TMEM62: variants seen among roughly 807,000 people sequenced by gnomAD.
The protein encoded by TMEM62 is transmembrane protein 62.
Under a neutral mutation model 70.4 loss-of-function variants are expected in TMEM62, and 41 were observed. The ratio of observed to expected loss-of-function variants is 0.58; its 90% CI spans 0.45 to 0.76. The LOEUF (loss-of-function observed/expected upper bound fraction) is 0.76. Among genes scored for constraint, TMEM62 ranks in the 30% least tolerant of loss-of-function variants. TMEM62 has a pLI of 0.00. For synonymous variants in TMEM62, 268 were observed against 291.0 expected (o/e 0.92, Z 0.80); for missense variants, 688 against 788.5 (o/e 0.87, Z 1.53).
rs143745029 is a variant in TMEM62, at chr15:43,134,607, G to A, written c.292+239G>A. ...GTTTTGTCAAAGCAGTAGAAGCAAG[G>A]CTCCTGGTTCTCATGTCAGTCTGTT... is the stretch of plus-strand genomic sequence containing the variant. On this transcript the variant is annotated intron_variant, in intron 2 of 13. Transcript: ENST00000260403. Among the ~76,000 whole-genome samples the A allele has an allele frequency of 4.3e-3, 658 of 152,306 alleles. 6 individuals are homozygous for A. Among genetic ancestry groups the A allele is most frequent in the African/African-American group, 0.015 (618 of 41,544 alleles).
chr15:43,150,358 A>C (rs185991952), intron 7 of TMEM62, among the ~76,000 whole-genome samples: 1 of 152,076 alleles, frequency 6.6e-6, no homozygotes, highest in Non-Finnish European at 1.5e-5. Context: ...TATTTCTTCT[A>C]AGTGCTCTAG....
chr15:43,147,568 C>A (rs970465595), intron 5 of TMEM62, among the ~76,000 whole-genome samples: 7 of 152,080 alleles, frequency 4.6e-5, no homozygotes, highest in Non-Finnish European at 8.8e-5. Context: ...TAATAAAGAG[C>A]AGAATTTGCT....
intron 11 of TMEM62, 81 bp downstream of exon 11, chr15:43,169,758 T>C: frequency 8.1e-7 from 1 of 1,236,202 alleles, no homozygotes. Flanking sequence ...AAGAGGTTTA[T>C]TCTAAGCCAA....
intron 13 of TMEM62, among the ~76,000 whole-genome samples, chr15:43,182,041 T>A (rs549269147): frequency 1.3e-5 from 2 of 152,230 alleles, no homozygotes; most frequent in Non-Finnish European, 2.9e-5. Flanking sequence ...GAAACTGCAT[T>A]ATTCAAAAAC....
intron 3 of TMEM62, among the ~76,000 whole-genome samples, chr15:43,137,850 G>A (rs1206555595): frequency 6.6e-6 from 1 of 152,238 alleles, no homozygotes; most frequent in Non-Finnish European, 1.5e-5. Context: ...TTCCCAGGGG[G>A]TGTTCATTGC....
Position 43,184,282 on chromosome 15 carries a change from T to C in TMEM62, c.1628T>C (p.Leu543Ser). 4 of 1,613,588 alleles carry C rather than the reference T, an allele frequency of 2.5e-6. No individual in the cohort carries two copies. The highest frequency in any genetic ancestry group is 3.4e-6 in the Non-Finnish European group (4 of 1,179,658). Residue 543 changes from leucine (L) to serine (S), a missense_variant, in exon 14 of 14, where the codon TTG becomes TCG. By Grantham distance (145) the Leu-to-Ser change is moderately radical. Transcript: ENST00000260403. Reference protein sequence around the residue: ...ILQLAFFNIPLMAYMCWSLLQ... With the variant: ...ILQLAFFNIPSMAYMCWSLLQ... ...CAGCTGGCGTTTTTTAACATCCCCTTGATGGCTTACATGTGTTGGAGCTTG... is the reference window on the plus strand; with the variant it reads ...CAGCTGGCGTTTTTTAACATCCCCTCGATGGCTTACATGTGTTGGAGCTTG...
At chr15:43,180,677 T>A (rs2041248499) in intron 12 of TMEM62, 1 of 152,334 alleles carries the variant, frequency 6.6e-6, no homozygotes, top group Non-Finnish European at 1.5e-5. Context: ...ATGTAGTTGA[T>A]ATACAAAGTA....
chr15:43,139,962 A>G (rs1338178481), intron 4 of TMEM62, among the ~76,000 whole-genome samples: 1 of 152,262 alleles, frequency 6.6e-6, no homozygotes, highest in Non-Finnish European at 1.5e-5. Context: ...CATGTAAATG[A>G]AACAGCCTTC....
intron 10 of TMEM62, among the ~76,000 whole-genome samples, chr15:43,162,972 T>C (rs1233736038): frequency 2.0e-5 from 3 of 151,648 alleles, no homozygotes; most frequent in African/African-American, 4.8e-5. Context: ...CATTTTTTTT[T>C]CCTATCCTCG....
chr15:43,162,562 G>T (rs1046663676), intron 10 of TMEM62, among the ~76,000 whole-genome samples: 1 of 151,706 alleles, frequency 6.6e-6, no homozygotes, highest in Non-Finnish European at 1.5e-5. Context: ...CTCCTGAGTA[G>T]CCAGGATTAC....
chr15:43,156,826 C>T (rs964823999), intron 9 of TMEM62, among the ~76,000 whole-genome samples: 1 of 152,120 alleles, frequency 6.6e-6, no homozygotes, highest in African/African-American at 2.4e-5. Context: ...ATGTATACAT[C>T]CTTGAAGTCA....
At chr15:43,145,030 G>A (rs557549652) in intron 4 of TMEM62, among the ~76,000 whole-genome samples, 1 of 148,910 alleles carries the variant, frequency 6.7e-6, no homozygotes, top group Admixed American at 6.6e-5. Flanking sequence ...GTCCCAGAGA[G>A]GAGGCAGAGC....
intron 4 of TMEM62, among the ~76,000 whole-genome samples, chr15:43,139,741 A>C (rs1297811434): frequency 6.6e-6 from 1 of 152,224 alleles, no homozygotes. Flanking sequence ...CTTCAATTCT[A>C]TGAAGGCTGA....
Position 43,148,858 on chromosome 15 carries a change from C to A in TMEM62, c.722C>A (p.Pro241Gln), listed in dbSNP as rs781012256. The change falls in exon 6 of 14, where the codon CCA becomes CAA. Residue 241 changes from proline to glutamine, a missense_variant. By Grantham distance (76) the Pro-to-Gln change is moderately conservative. Transcript: ENST00000260403. ...ACATCCACTATTCTTTCTCCATCAC[C>A]AGGAATCCGGTCAATAATGAGGTGA... Reference protein sequence around the residue: ...FTTSTILSPSPGIRSIMSSAI... With the variant: ...FTTSTILSPSQGIRSIMSSAI... The A allele has an allele frequency of 6.2e-7, 1 of 1,613,408 alleles. No individual in the cohort carries two copies. Among genetic ancestry groups the A allele is most frequent in the African/African-American group, 1.3e-5 (1 of 74,902 alleles).
rs190376456 is a variant in TMEM62 at position 43,149,873 on chromosome 15, G to A, written c.866+722G>A. ...GGTAGTGATTTAACTTCTTCAAATA[G>A]ATGATAGTTGGCTTTTTTAAGGTTA... On this transcript the variant is annotated intron_variant, in intron 7 of 13. Coordinates refer to ENST00000260403, the MANE Select transcript of TMEM62 (RefSeq NM_024956.4). Among the ~76,000 whole-genome samples the A allele has an allele frequency of 6.4e-4, 97 of 152,296 alleles. 1 individual carries two copies. In the East Asian group the frequency reaches 0.018, roughly 28 times the overall value.
intron 7 of TMEM62, among the ~76,000 whole-genome samples, chr15:43,150,326 A>T (rs1021819472): frequency 7.9e-5 from 12 of 152,210 alleles, no homozygotes; most frequent in Non-Finnish European, 1.6e-4. Flanking sequence ...AGATAGTCTT[A>T]CTAAGCCTTG....
At position 43,149,096 on chromosome 15, in the gene TMEM62, C is replaced by T. The variant is rs372947734; in HGVS notation, c.811C>T (p.Arg271Cys). Reference sequence around the variant, plus strand: ...TGGACTGATGCCTGTTTTGCACACTCGTCACTTCCAGGGCACTTTGGAACT... The same window carrying T: ...TGGACTGATGCCTGTTTTGCACACTTGTCACTTCCAGGGCACTTTGGAACT... ...LGGLMPVLHTRHFQGTLELEV... is the reference protein window; with the variant it reads ...LGGLMPVLHTCHFQGTLELEV... Residue 271 changes from arginine (R) to cysteine (C), a missense_variant, in exon 7 of 14, where the codon CGT becomes TGT. Physicochemically the swap from Arg to Cys is radical, Grantham distance 180. Coordinates refer to ENST00000260403, the MANE Select transcript of TMEM62 (RefSeq NM_024956.4). 1.4e-5 allele frequency: 23 copies of T among 1,613,880 alleles called. No homozygotes were observed. The highest frequency in any genetic ancestry group is 2.7e-5 in the African/African-American group (2 of 74,848).
At chr15:43,181,577 C>T (rs1567247588) in intron 13 of TMEM62, among the ~76,000 whole-genome samples, 1 of 152,360 alleles carries the variant, frequency 6.6e-6, no homozygotes, top group East Asian at 1.9e-4. Flanking sequence ...TCTTGGCTCA[C>T]TGCAGCCTCC....
chr15:43,146,988 G>A (rs1364009522), intron 5 of TMEM62, among the ~76,000 whole-genome samples: 1 of 152,132 alleles, frequency 6.6e-6, no homozygotes, highest in Non-Finnish European at 1.5e-5. Context: ...TTTTGAGACG[G>A]AGTTTTGCTC....
Sources: allele counts gnomAD v4.1 joint callset (sites outside exome capture counted in the v4.1 genomes callset), GRCh38; gene constraint gnomAD v4.1.1; transcripts MANE v1.5; gene names NCBI Gene and HGNC (gene_info 2026-07-23, HGNC 2026-07-21).